VPS45: variants seen among roughly 807,000 people sequenced by gnomAD.
VPS45 encodes vacuolar protein sorting 45 homolog, also known as vacuolar protein sorting-associated protein 45.
In VPS45, 35 loss-of-function variants were observed where a neutral mutation model predicts 75.9. That is an observed-to-expected ratio of 0.46 (90% CI 0.35 to 0.61). The LOEUF (loss-of-function observed/expected upper bound fraction) is 0.61, where lower values mean the gene tolerates loss of function less well. VPS45 is among the 20% of genes least tolerant of loss of function. The pLI is 0.00. For missense variants in VPS45, 559 were observed against 685.9 expected, an observed-to-expected ratio of 0.81 and a Z score of 2.07; for synonymous variants, 220 against 238.2, an observed-to-expected ratio of 0.92 and a Z score of 0.70.
intron 14 of VPS45, among the ~76,000 whole-genome samples, chr1:150,116,801 G>A (rs889702713): frequency 5.9e-5 from 9 of 152,138 alleles, no homozygotes; most frequent in Non-Finnish European, 1.2e-4. Flanking sequence ...TCCTCTGAGA[G>A]TTAATATTTC....
At chr1:150,112,751 G>A (rs782708909) in intron 14 of VPS45, among the ~76,000 whole-genome samples, 65 of 152,168 alleles carry the variant, frequency 4.3e-4, no homozygotes, top group African/African-American at 3.4e-4. Flanking sequence ...CCCGTATTTC[G>A]GGAGTGACTG....
At chr1:150,123,640 A>G (rs1213957467) in intron 14 of VPS45, among the ~76,000 whole-genome samples, 2 of 152,210 alleles carry the variant, frequency 1.3e-5, no homozygotes, top group Non-Finnish European at 2.9e-5. Flanking sequence ...AGGTCGATCA[A>G]TATTAAAGAG....
intron 7 of VPS45, among the ~76,000 whole-genome samples, chr1:150,078,238 C>G (rs1553798571): frequency 6.6e-6 from 1 of 152,214 alleles, no homozygotes; most frequent in Non-Finnish European, 1.5e-5. Flanking sequence ...TAAAAAACTT[C>G]ATTGGTTCCC....
At chr1:150,074,590 A>G (rs1655263686) in intron 3 of VPS45, among the ~76,000 whole-genome samples, 1 of 152,168 alleles carries the variant, frequency 6.6e-6, no homozygotes, top group South Asian at 2.1e-4. Flanking sequence ...AACCCCCAGG[A>G]GTGCAACTGC....
intron 7 of VPS45, among the ~76,000 whole-genome samples, chr1:150,078,484 G>T (rs1204678701): frequency 6.6e-6 from 1 of 152,160 alleles, no homozygotes; most frequent in Non-Finnish European, 1.5e-5. Context: ...ATCTGGCCGG[G>T]CACGGTCGCT....
At chr1:150,131,676 T>TAAAAAAA (rs34119963) in intron 14 of VPS45, among the ~76,000 whole-genome samples, 1 of 139,284 alleles carries the variant, frequency 7.2e-6, no homozygotes, top group Non-Finnish European at 1.5e-5. Flanking sequence ...TTTTTGTCTC[T>TAAAAAAA]AAAAAAAAAA....
chr1:150,096,577 T>C (rs1405790034), intron 13 of VPS45, among the ~76,000 whole-genome samples: 1 of 152,002 alleles, frequency 6.6e-6, no homozygotes, highest in Non-Finnish European at 1.5e-5. Context: ...CTGACAATCT[T>C]GAAAAGAGAA....
intron 6 of VPS45, 69 bp from the exon 7 acceptor site, chr1:150,077,600 T>C (rs1553798389): frequency 9.2e-7 from 1 of 1,083,732 alleles, no homozygotes; most frequent in Non-Finnish European, 1.4e-6. Flanking sequence ...TGTTTATTAA[T>C]TTCCTATTTA....
intron 14 of VPS45, among the ~76,000 whole-genome samples, chr1:150,131,192 G>A (rs587735725): frequency 2.6e-5 from 4 of 152,178 alleles, no homozygotes; most frequent in African/African-American, 4.8e-5. Flanking sequence ...CCAACCCTGA[G>A]GTTAGCTGCT....
chr1:150,141,305 C>G (rs1362473774), intron 14 of VPS45, among the ~76,000 whole-genome samples: 1 of 152,074 alleles, frequency 6.6e-6, no homozygotes, highest in African/African-American at 2.4e-5. Flanking sequence ...CTAGATTCCC[C>G]TTGGTGTCTT....
chr1:150,068,578 G>C, intron 1 of VPS45, 52 bp from the exon 2 acceptor site: 1 of 1,424,088 alleles, frequency 7.0e-7, no homozygotes, highest in Non-Finnish European at 9.3e-7. Flanking sequence ...TGTGCTACTT[G>C]TTTTTATTAT....
Position 150,108,349 on chromosome 1 carries a change from C to T in VPS45, c.1494-2147C>T, listed in dbSNP as rs587753804. Among the ~76,000 whole-genome samples, 5 of 152,270 alleles carry T rather than the reference C, an allele frequency of 3.3e-5. No homozygotes were observed. The South Asian group carries it at 1.0e-3, about 32-fold the overall frequency. Reference sequence around the variant, plus strand: ...TCTCTGGTAACTAGTAATGTAACCACTTGTCAGTGTAGCTGTTGAGCACTT... The same window carrying T: ...TCTCTGGTAACTAGTAATGTAACCATTTGTCAGTGTAGCTGTTGAGCACTT... On this transcript the variant is annotated intron_variant, in intron 13 of 14. Transcript: ENST00000644510.
chr1:150,078,733 G>C (rs1407479220), intron 7 of VPS45, among the ~76,000 whole-genome samples: 1 of 152,022 alleles, frequency 6.6e-6, no homozygotes, highest in African/African-American at 2.4e-5. Context: ...CTGCACTCCA[G>C]CCAGGGCGAC....
At chr1:150,128,679 G>T (rs1448987027) in intron 14 of VPS45, among the ~76,000 whole-genome samples, 1 of 152,016 alleles carries the variant, frequency 6.6e-6, no homozygotes, top group Non-Finnish European at 1.5e-5. Context: ...ACCCAGAGGG[G>T]ACTTCTCTTC....
chr1:150,077,500 C>G, intron 6 of VPS45, 169 bp from the exon 7 acceptor site: 1 of 681,440 alleles, frequency 1.5e-6, no homozygotes, highest in South Asian at 2.0e-5. Flanking sequence ...ATCCTAACCT[C>G]TTAAATAGTA....
intron 4 of VPS45, chr1:150,076,610 G>A (rs1655399440): frequency 2.0e-6 from 1 of 488,224 alleles, no homozygotes. Flanking sequence ...GTAGAACATT[G>A]TATCTCCTAT....
intron 14 of VPS45, among the ~76,000 whole-genome samples, chr1:150,135,652 A>G (rs1368803136): frequency 6.6e-6 from 1 of 151,278 alleles, no homozygotes; most frequent in Non-Finnish European, 1.5e-5. Context: ...TAGGACTCAT[A>G]ATTCATTTGC....
At chr1:150,119,432 A>G (rs1658112173) in intron 14 of VPS45, among the ~76,000 whole-genome samples, 1 of 152,230 alleles carries the variant, frequency 6.6e-6, no homozygotes, top group African/African-American at 2.4e-5. Context: ...TCTCTGTAAT[A>G]TATGGGTTAT....
chr1:150,134,588 GT>G (rs1193695588), intron 14 of VPS45, among the ~76,000 whole-genome samples: 3 of 152,048 alleles, frequency 2.0e-5, no homozygotes, highest in Non-Finnish European at 2.9e-5. Context: ...AGAAGATTGT[GT>G]TTTTAGCACT....
Sources: gnomAD v4.1 joint callset for allele counts (sites outside exome capture counted in the v4.1 genomes callset) on GRCh38, gnomAD v4.1.1 for gene constraint, MANE v1.5 for transcripts, NCBI Gene and HGNC (gene_info 2026-07-23, HGNC 2026-07-21) for gene names.